ATG10: variants seen among roughly 807,000 people sequenced by gnomAD.
ATG10 encodes the protein autophagy related 10.
In ATG10, 30 loss-of-function variants were observed where a neutral mutation model predicts 32.1. The observed-to-expected ratio is 0.94, with a 90% CI of 0.70 to 1.27. The LOEUF (loss-of-function observed/expected upper bound fraction) is 1.27, where lower values mean the gene tolerates loss of function less well. Among genes scored for constraint, ATG10 ranks in the 50% most tolerant of loss-of-function variants. The pLI, the probability that ATG10 is intolerant of heterozygous loss-of-function variation, is 0.00. For synonymous variants in ATG10, 87 were observed against 91.5 expected, an observed-to-expected ratio of 0.95 and a Z score of 0.28; for missense variants, 233 against 262.3, an observed-to-expected ratio of 0.89 and a Z score of 0.77.
At chr5:82,247,240 T>TC (rs1349477510) in intron 5 of ATG10, among the ~76,000 whole-genome samples, 4 of 152,204 alleles carry the variant, frequency 2.6e-5, no homozygotes, top group Non-Finnish European at 5.9e-5. Context: ...TGCCCTTTTC[T>TC]CTCCTTCTCT....
chr5:82,147,186 TA>T, intron 3 of ATG10: 1 of 214,966 alleles, frequency 4.7e-6, no homozygotes. Flanking sequence ...TTTTCTTTTT[TA>T]AGGTGAAGTC....
intron 2 of ATG10, among the ~76,000 whole-genome samples, chr5:82,038,176 A>G (rs1357382624): frequency 1.3e-5 from 2 of 152,216 alleles, no homozygotes; most frequent in African/African-American, 4.8e-5. Context: ...AGACAGGGAG[A>G]GTAAAGCAGA....
At chr5:82,226,235 A>C (rs1002427897) in intron 5 of ATG10, among the ~76,000 whole-genome samples, 3 of 152,206 alleles carry the variant, frequency 2.0e-5, no homozygotes, top group African/African-American at 7.2e-5. Flanking sequence ...TGCCCATATT[A>C]GCAGCTTGCT....
In ATG10 at chr5:82,209,552, T is replaced by C. The variant is rs566185031; in HGVS notation, c.453+30965T>C. Among the ~76,000 whole-genome samples, 117 of 152,314 alleles carry C rather than the reference T, an allele frequency of 7.7e-4. 1 individual carries two copies. The South Asian group carries it at 0.02, about 26-fold the overall frequency. Reference sequence around the variant, plus strand: ...GTGTTGGTACCTTGATCTTGGACTTTCCAGGTTCTAGAAGTGTAAGAAACA... The same window carrying C: ...GTGTTGGTACCTTGATCTTGGACTTCCCAGGTTCTAGAAGTGTAAGAAACA... On this transcript the variant is annotated intron_variant, in intron 5 of 7. Coordinates refer to ENST00000282185, the MANE Select transcript of ATG10 (RefSeq NM_031482.5).
intron 2 of ATG10, among the ~76,000 whole-genome samples, chr5:82,048,398 C>T (rs1763292491): frequency 6.6e-6 from 1 of 150,880 alleles, no homozygotes; most frequent in Admixed American, 6.6e-5. Flanking sequence ...TTTCCTTGAG[C>T]AGTGGTTTGT....
intron 5 of ATG10, among the ~76,000 whole-genome samples, chr5:82,194,076 T>C (rs1444766532): frequency 2.0e-5 from 3 of 152,224 alleles, no homozygotes; most frequent in Non-Finnish European, 4.4e-5. Context: ...CTTGTACTCC[T>C]GTCTCAAGAA....
intron 5 of ATG10, among the ~76,000 whole-genome samples, chr5:82,221,737 T>C (rs987934915): frequency 6.6e-6 from 1 of 152,192 alleles, no homozygotes; most frequent in Admixed American, 6.5e-5. Flanking sequence ...AAAATATATT[T>C]TGAAATGAGT....
intron 3 of ATG10, among the ~76,000 whole-genome samples, chr5:82,104,888 T>C (rs1765396520): frequency 1.3e-5 from 2 of 152,212 alleles, no homozygotes; most frequent in Admixed American, 1.3e-4. Context: ...CATTTAAATG[T>C]ATTTTTGTTT....
intron 5 of ATG10, among the ~76,000 whole-genome samples, chr5:82,218,086 C>CACACACAT (rs1315817130): frequency 1.3e-5 from 2 of 151,412 alleles, no homozygotes; most frequent in African/African-American, 4.9e-5. Context: ...CACACACACA[C>CACACACAT]ATCACACGTA....
chr5:82,148,304 T>C (rs1767448664), intron 3 of ATG10, among the ~76,000 whole-genome samples: 1 of 152,192 alleles, frequency 6.6e-6, no homozygotes, highest in Non-Finnish European at 1.5e-5. Flanking sequence ...AGTGATCTGA[T>C]TCTCTTCCAG....
intron 1 of ATG10, among the ~76,000 whole-genome samples, chr5:81,977,810 G>A (rs1760911174): frequency 6.6e-6 from 1 of 152,172 alleles, no homozygotes; most frequent in African/African-American, 2.4e-5. Flanking sequence ...GACACTCACA[G>A]CAAGCACTAG....
intron 1 of ATG10, among the ~76,000 whole-genome samples, chr5:81,987,116 A>G (rs1161270261): frequency 6.6e-6 from 1 of 152,118 alleles, no homozygotes; most frequent in East Asian, 1.9e-4. Context: ...GATAGAAAAA[A>G]CAAAAATACT....
chr5:82,148,297 G>A (rs1193876342), intron 3 of ATG10, among the ~76,000 whole-genome samples: 2 of 152,164 alleles, frequency 1.3e-5, no homozygotes, highest in Non-Finnish European at 2.9e-5. Flanking sequence ...CTGATCCAGT[G>A]ATCTGATTCT....
At chr5:82,045,582 A>T (rs1763211380) in intron 2 of ATG10, among the ~76,000 whole-genome samples, 1 of 152,142 alleles carries the variant, frequency 6.6e-6, no homozygotes, top group Non-Finnish European at 1.5e-5. Context: ...TGAGACATTA[A>T]TGCCAAGCTA....
intron 2 of ATG10, among the ~76,000 whole-genome samples, chr5:82,026,798 C>A (rs1029978011): frequency 6.6e-6 from 1 of 152,072 alleles, no homozygotes; most frequent in Admixed American, 6.6e-5. Context: ...CGGTAGCTCA[C>A]GCCTGTAGTC....
intron 5 of ATG10, among the ~76,000 whole-genome samples, chr5:82,248,899 T>C (rs1356971089): frequency 6.6e-6 from 1 of 151,736 alleles, no homozygotes; most frequent in African/African-American, 2.4e-5. Context: ...TTTAATATAT[T>C]CTATTTAATT....
At chr5:82,251,379 C>G (rs1248123324) in intron 5 of ATG10, among the ~76,000 whole-genome samples, 1 of 152,228 alleles carries the variant, frequency 6.6e-6, no homozygotes, top group Non-Finnish European at 1.5e-5. Context: ...ATCCAGCCTA[C>G]AAGCCTGTTT....
At chr5:82,065,549 C>T (rs1345158432) in intron 3 of ATG10, among the ~76,000 whole-genome samples, 2 of 151,598 alleles carry the variant, frequency 1.3e-5, no homozygotes, top group East Asian at 3.9e-4. Flanking sequence ...TCGATGCTGG[C>T]TTGGGATATC....
In ATG10 at chr5:82,186,087, G is replaced by A. The variant is rs74985753; in HGVS notation, c.453+7500G>A. 1.0e-3 allele frequency among the ~76,000 whole-genome samples: 154 copies of A among 152,326 alleles called. 1 individual carries two copies. The East Asian group carries it at 0.018, about 18-fold the overall frequency. ...ACTGGAAGTGGTTTAATTCTTAAAT[G>A]ACGAGAAAATTAAGAAGGCTTTATG... On this transcript the variant is annotated intron_variant, in intron 5 of 7. Transcript: ENST00000282185.
Sources: allele counts gnomAD v4.1 joint callset (sites outside exome capture counted in the v4.1 genomes callset), GRCh38; gene constraint gnomAD v4.1.1; transcripts MANE v1.5; gene names NCBI Gene and HGNC (gene_info 2026-07-23, HGNC 2026-07-21).